CEP85L: variants seen among roughly 807,000 people sequenced by gnomAD.
The protein encoded by CEP85L is centrosomal protein 85L.
Under a neutral mutation model 100.3 loss-of-function variants are expected in CEP85L, and 60 were observed. That is an observed-to-expected ratio of 0.60 (90% confidence interval 0.49 to 0.74). The LOEUF (loss-of-function observed/expected upper bound fraction) is 0.74, where lower values mean the gene tolerates loss of function less well. Among genes scored for constraint, CEP85L ranks in the 30% least tolerant of loss-of-function variants. CEP85L has a pLI of 0.00. For missense variants in CEP85L, 973 were observed against 936.2 expected (o/e 1.04, Z -0.51); for synonymous variants, 319 against 322.7 (o/e 0.99, Z 0.12).
chr6:118,585,625 T>C (rs1780812454), intron 2 of CEP85L, among the ~76,000 whole-genome samples: 1 of 152,170 alleles, frequency 6.6e-6, no homozygotes, highest in African/African-American at 2.4e-5. Flanking sequence ...AAACTCCCCT[T>C]GACGGCCTCC....
chr6:118,538,609 T>C (rs1003611124), intron 3 of CEP85L, among the ~76,000 whole-genome samples: 4 of 151,956 alleles, frequency 2.6e-5, no homozygotes, highest in Non-Finnish European at 5.9e-5. Context: ...AACAAAGAAA[T>C]GAGCCATGCA....
At chr6:118,592,457 G>A (rs1370028394) in intron 2 of CEP85L, among the ~76,000 whole-genome samples, 4 of 151,120 alleles carry the variant, frequency 2.6e-5, no homozygotes, top group Non-Finnish European at 4.4e-5. Context: ...TTTTATGAGA[G>A]ATATTTTCTG....
chr6:118,536,377 T>C, intron 3 of CEP85L, among the ~76,000 whole-genome samples: 1 of 152,020 alleles, frequency 6.6e-6, no homozygotes, highest in African/African-American at 2.4e-5. Flanking sequence ...ACCTGAGTGG[T>C]GATTATAAGG....
intron 2 of CEP85L, among the ~76,000 whole-genome samples, chr6:118,583,924 C>T (rs770666109): frequency 6.6e-6 from 1 of 152,192 alleles, no homozygotes; most frequent in Admixed American, 6.5e-5. Flanking sequence ...AAATGGTTTA[C>T]AGTCCTAGAT....
chr6:118,523,278 AT>A (rs532382020), intron 4 of CEP85L, among the ~76,000 whole-genome samples: 62 of 152,136 alleles, frequency 4.1e-4, no homozygotes, highest in African/African-American at 1.4e-3. Context: ...AGTATAAATA[AT>A]TTTTTTTCAG....
At chr6:118,603,633 G>A (rs921253067) in intron 2 of CEP85L, among the ~76,000 whole-genome samples, 5 of 152,152 alleles carry the variant, frequency 3.3e-5, no homozygotes, top group Non-Finnish European at 7.4e-5. Context: ...AAAAACAAAG[G>A]ATCAGCAACA....
intron 1 of CEP85L, among the ~76,000 whole-genome samples, chr6:118,689,162 C>G (rs1014421417): frequency 6.6e-6 from 1 of 152,178 alleles, no homozygotes; most frequent in Non-Finnish European, 1.5e-5. Flanking sequence ...GCAGCCAAGT[C>G]TTTGTCTCAA....
intron 1 of CEP85L, among the ~76,000 whole-genome samples, chr6:118,685,926 A>T (rs982932023): frequency 2.0e-5 from 3 of 152,244 alleles, no homozygotes; most frequent in African/African-American, 7.2e-5. Flanking sequence ...TTAAGGAAGA[A>T]CCAAGCAACC....
At chr6:118,609,769 TG>T (rs751690264) in intron 2 of CEP85L, among the ~76,000 whole-genome samples, 43 of 151,818 alleles carry the variant, frequency 2.8e-4, no homozygotes, top group Non-Finnish European at 4.3e-4. Context: ...AAACCAGGAT[TG>T]AAAAAAAAAC....
chr6:118,587,658 G>C (rs942025724), intron 2 of CEP85L, among the ~76,000 whole-genome samples: 1 of 152,084 alleles, frequency 6.6e-6, no homozygotes, highest in Non-Finnish European at 1.5e-5. Context: ...TGCTAACAGT[G>C]GCGGCTTACT....
chr6:118,663,825 G>T (rs1233638325), intron 1 of CEP85L, among the ~76,000 whole-genome samples: 2 of 151,782 alleles, frequency 1.3e-5, no homozygotes, highest in Non-Finnish European at 2.9e-5. Context: ...AATGTCCAGG[G>T]TACTTACAAT....
chr6:118,705,110 C>T (rs1777555484), intron 1 of CEP85L, among the ~76,000 whole-genome samples: 1 of 152,078 alleles, frequency 6.6e-6, no homozygotes, highest in African/African-American at 2.4e-5. Context: ...GGAAGCTTCC[C>T]TGTTGCTAAG....
chr6:118,653,419 T>C (rs886075932), upstream of CEP85L, among the ~76,000 whole-genome samples: 1 of 152,092 alleles, frequency 6.6e-6, no homozygotes, highest in African/African-American at 2.4e-5. Flanking sequence ...AAAGTATCCA[T>C]TTCTTTTAAT....
Position 118,534,510 on chromosome 6 carries a change from G to A in CEP85L, c.1021-10590C>T, listed in dbSNP as rs550353747. The stretch of plus-strand genomic sequence containing the variant: ...TCTACTAAAAATACAGAAATTAGCT[G>A]GGCGTGGTGGCACATGCCTGTAATC... On this transcript the variant is annotated intron_variant, in intron 3 of 12. Transcript: ENST00000368491. 7.3e-5 allele frequency among the ~76,000 whole-genome samples: 11 copies of A among 151,070 alleles called. No homozygotes were observed. The East Asian group carries it at 1.4e-3, about 19-fold the overall frequency.
At chr6:118,614,203 T>C (rs181531507) in intron 2 of CEP85L, among the ~76,000 whole-genome samples, 327 of 152,252 alleles carry the variant, frequency 2.1e-3, no homozygotes, top group African/African-American at 7.6e-3. Flanking sequence ...CTCTGCAAAC[T>C]AGGAATAAGA....
intron 3 of CEP85L, chr6:118,559,181 G>C: frequency 1.2e-6 from 1 of 865,506 alleles, no homozygotes. Flanking sequence ...ACCACTTCCT[G>C]AGTAGAAGAG....
At chr6:118,638,666 C>G (rs1267727109) in intron 1 of CEP85L, among the ~76,000 whole-genome samples, 1 of 150,840 alleles carries the variant, frequency 6.6e-6, no homozygotes, top group Admixed American at 6.6e-5. Flanking sequence ...CAGCAAAGAT[C>G]CCAAGAAACT....
chr6:118,514,581 A>G (rs1383339835), intron 4 of CEP85L, among the ~76,000 whole-genome samples: 2 of 151,822 alleles, frequency 1.3e-5, no homozygotes, highest in African/African-American at 4.8e-5. Flanking sequence ...AAACTTGACC[A>G]TATCAATAAT....
chr6:118,485,395 A>G (rs1320491096), intron 6 of CEP85L, among the ~76,000 whole-genome samples: 4 of 115,410 alleles, frequency 3.5e-5, no homozygotes, highest in Non-Finnish European at 8.3e-5. Context: ...GGTCTAATGT[A>G]TAACAATTTT....
Sources: gnomAD v4.1 joint callset for allele counts (sites outside exome capture counted in the v4.1 genomes callset) on GRCh38, gnomAD v4.1.1 for gene constraint, MANE v1.5 for transcripts, NCBI Gene and HGNC (gene_info 2026-07-23, HGNC 2026-07-21) for gene names.